ZNF695: variants seen among roughly 807,000 people sequenced by gnomAD.
ZNF695 encodes the protein zinc finger protein 695.
ZNF695 carries 11 observed loss-of-function variants against 11.2 expected under a neutral mutation model. That is an observed-to-expected ratio of 0.98 (90% CI 0.62 to 1.62). The LOEUF (loss-of-function observed/expected upper bound fraction) is 1.62. Among genes scored for constraint, ZNF695 ranks in the 40% most tolerant of loss-of-function variants. ZNF695 has a pLI of 0.00. For synonymous variants in ZNF695, 190 were observed against 201.4 expected (o/e 0.94, Z 0.48); for missense variants, 559 against 590.5 (o/e 0.95, Z 0.55).
chr1:246,984,929 T>A (rs1239329858), downstream of ZNF695, among the ~76,000 whole-genome samples: 2 of 152,170 alleles, frequency 1.3e-5, no homozygotes, highest in African/African-American at 4.8e-5. Context: ...ATGAGCAACA[T>A]AAAAGTAAAA....
At chr1:246,981,567 T>G (rs1364466935), downstream of ZNF695, among the ~76,000 whole-genome samples, 1 of 152,202 alleles carries the variant, frequency 6.6e-6, no homozygotes, top group Non-Finnish European at 1.5e-5. Context: ...TTTTGTTCTA[T>G]TAGTCCGTCA....
chr1:246,977,711 T>C (rs768478362), intron 4 of ZNF695, among the ~76,000 whole-genome samples: 2 of 152,250 alleles, frequency 1.3e-5, no homozygotes, highest in Non-Finnish European at 2.9e-5. Flanking sequence ...CTGTAGCAAT[T>C]AGTTTGCGTT....
intron 1 of ZNF695, 136 bp downstream of exon 1, chr1:247,007,770 C>A: frequency 4.9e-6 from 5 of 1,025,930 alleles, no homozygotes; most frequent in Non-Finnish European, 6.6e-6. Context: ...GGCCGAGCTG[C>A]GCCAGCGGGA....
intron 5 of ZNF695, among the ~76,000 whole-genome samples, chr1:246,953,762 C>T (rs781507055): frequency 6.6e-6 from 1 of 150,610 alleles, no homozygotes; most frequent in Non-Finnish European, 1.5e-5. Flanking sequence ...AAAATTACTA[C>T]TAAAAATACA....
intron 1 of ZNF695, among the ~76,000 whole-genome samples, chr1:247,005,666 A>G (rs1669510177): frequency 1.3e-5 from 2 of 152,068 alleles, no homozygotes; most frequent in African/African-American, 4.8e-5. Flanking sequence ...GACTGTCTCA[A>G]AACAAAACAA....
intron 1 of ZNF695, among the ~76,000 whole-genome samples, chr1:247,003,028 A>G (rs1368705000): frequency 6.6e-6 from 1 of 152,188 alleles, no homozygotes; most frequent in African/African-American, 2.4e-5. Flanking sequence ...GAAAACATAA[A>G]TTAGCCACTG....
In ZNF695 at chr1:246,945,806, C is replaced by A. The variant is rs756651607; in HGVS notation, c.510G>T (p.Glu170Asp). ...AACCTCCGCAGGGTCTTCAAAGCAG[C>A]TCGATGGTCGACGACTGGACCCTGA... The change falls in exon 6 of 6, where the codon GAG (glutamate) becomes GAT (aspartate). Residue 170 changes from glutamate to aspartate, a missense_variant. By Grantham distance (45) the Glu-to-Asp change is conservative (BLOSUM62 2). Transcript: ENST00000487338. 10 of 1,550,070 alleles carry A rather than the reference C, an allele frequency of 6.5e-6. No homozygotes were observed. In the African/African-American group the frequency reaches 1.1e-4, roughly 17 times the overall value.
chr1:247,007,783 C>G (rs1669584894), intron 1 of ZNF695, 123 bp downstream of exon 1: 1 of 1,186,880 alleles, frequency 8.4e-7, no homozygotes. Flanking sequence ...CAGCGGGACT[C>G]GGCCGCACAC....
chr1:246,964,150 C>T (rs1215610111), intron 5 of ZNF695, among the ~76,000 whole-genome samples: 2 of 152,136 alleles, frequency 1.3e-5, no homozygotes, highest in African/African-American at 2.4e-5. Flanking sequence ...AGCACCTCCG[C>T]GTGTTCAGCA....
At chr1:246,983,203 C>CA (rs765876016), downstream of ZNF695, among the ~76,000 whole-genome samples, 3,468 of 95,596 alleles carry the variant, frequency 0.036, 135 homozygotes, top group African/African-American at 0.11. Context: ...GACTCTGTCT[C>CA]AAAAAAAAAA....
chr1:247,002,941 GGTTA>G (rs377164592), intron 1 of ZNF695, among the ~76,000 whole-genome samples: 171 of 152,236 alleles, frequency 1.1e-3, no homozygotes, highest in African/African-American at 4.0e-3. Context: ...CATTCAAAAT[GGTTA>G]TAATTAGAAA....
At chr1:246,966,975 G>T in intron 5 of ZNF695, 1 of 409,306 alleles carries the variant, frequency 2.4e-6, no homozygotes, top group South Asian at 1.8e-5. Context: ...TTTCACTCTT[G>T]TCGCCCAGGC....
In ZNF695 at chr1:246,999,788, A is replaced by G. The variant is rs986716426; in HGVS notation, c.166+124T>C. 9 of 959,514 alleles carry G rather than the reference A, an allele frequency of 9.4e-6. 1 individual carries two copies. In the Middle Eastern group the frequency reaches 1.1e-3, roughly 116 times the overall value. The allele number at this position is 959,514 out of a possible 1,614,324, so 59.4% of individuals were successfully genotyped here. A position where few individuals can be genotyped will look rare whatever the true frequency, so the allele number is the denominator to read the frequency against. On this transcript the variant is annotated intron_variant, in intron 2 of 3. Transcript: ENST00000339986. ...GTTGATGTCAAGGCAAAACATCTTG[A>G]AAGTTTTGTTTTCTACACCAAGAAA...
At chr1:246,965,585 A>G (rs1041194664) in intron 5 of ZNF695, among the ~76,000 whole-genome samples, 1 of 151,332 alleles carries the variant, frequency 6.6e-6, no homozygotes, top group African/African-American at 2.4e-5. Flanking sequence ...AAAAATACAA[A>G]AATTAGCCAG....
downstream of ZNF695, among the ~76,000 whole-genome samples, chr1:246,983,977 A>C (rs1260083645): frequency 1.3e-5 from 2 of 151,832 alleles, no homozygotes; most frequent in East Asian, 3.9e-4. Flanking sequence ...GAACATGGTA[A>C]AACCTCATCT....
chr1:246,963,040 C>A (rs973555788), intron 5 of ZNF695, among the ~76,000 whole-genome samples: 1 of 152,144 alleles, frequency 6.6e-6, no homozygotes, highest in Non-Finnish European at 1.5e-5. Context: ...AGCAGGCAAA[C>A]CGGCTCCTGT....
chr1:246,970,749 C>T (rs1346147162), intron 4 of ZNF695, among the ~76,000 whole-genome samples: 1 of 152,200 alleles, frequency 6.6e-6, no homozygotes, highest in East Asian at 1.9e-4. Context: ...CGGCTAAAAA[C>T]AAAGTGTTTT....
In ZNF695 at chr1:246,987,328, A is replaced by C. The variant is rs754218114; in HGVS notation, c.1187T>G (p.Ile396Ser). The C allele has an allele frequency of 1.2e-4, 188 of 1,608,936 alleles. No individual in the cohort carries two copies. Among genetic ancestry groups the C allele is most frequent in the Non-Finnish European group, 1.6e-4 (184 of 1,178,668 alleles). ...CCCAGTATGAATTCTCTTATGCTGA[A>C]TAAGGTATGAGAACCAGGTAAAAGC... ...GKAFTWFSYL[I>S]QHKRIHTGQK... is the part of the protein sequence containing the mutation. The change falls in exon 4 of 4, where the codon ATT (isoleucine) becomes AGT (serine). Residue 396 changes from isoleucine to serine, a missense_variant. Transcript: ENST00000339986.
In ZNF695 at chr1:246,986,957, A is replaced by G. The variant is rs1360147723; in HGVS notation, c.*10T>C. 4 of 1,553,024 alleles carry G rather than the reference A, an allele frequency of 2.6e-6. No homozygotes were observed. The highest frequency in any genetic ancestry group is 3.5e-6 in the Non-Finnish European group (4 of 1,155,812). The stretch of plus-strand genomic sequence containing the variant: ...ACTATGCCATATTGTTTAGAATTGT[A>G]GGGTTTTTCTCAGGTATGAGTTTTC... On this transcript the variant is annotated 3_prime_UTR_variant, in exon 4 of 4. Coordinates refer to ENST00000339986, the MANE Select transcript of ZNF695 (RefSeq NM_020394.5).
Sources: allele counts gnomAD v4.1 joint callset (sites outside exome capture counted in the v4.1 genomes callset), GRCh38; gene constraint gnomAD v4.1.1; transcripts MANE v1.5; gene names NCBI Gene and HGNC (gene_info 2026-07-23, HGNC 2026-07-21).